Variants in KLHL1 observed in about 807,000 individuals in gnomAD.
The protein encoded by KLHL1 is kelch like family member 1.
KLHL1 carries 47 observed loss-of-function variants against 77.7 expected under a neutral mutation model. That is an observed-to-expected ratio of 0.60 (90% CI 0.48 to 0.77). KLHL1 has a LOEUF of 0.77. Ranked by LOEUF, KLHL1 falls within the 30% of genes least tolerant of loss-of-function variation. The pLI is 0.00. For synonymous variants in KLHL1, 360 were observed against 325.2 expected, an observed-to-expected ratio of 1.11 and a Z score of -1.15; for missense variants, 925 against 910.8, an observed-to-expected ratio of 1.02 and a Z score of -0.20.
intron 1 of KLHL1, among the ~76,000 whole-genome samples, chr13:70,005,967 C>T (rs914003119): frequency 3.3e-5 from 5 of 151,950 alleles, no homozygotes; most frequent in African/African-American, 1.2e-4. Flanking sequence ...CCATTTTCAT[C>T]TTGCCTTCCT....
intron 6 of KLHL1, among the ~76,000 whole-genome samples, chr13:69,821,204 G>C (rs1878322767): frequency 1.3e-5 from 2 of 152,072 alleles, no homozygotes; most frequent in African/African-American, 4.8e-5. Flanking sequence ...GTCATAGTTT[G>C]ACAAACCCTG....
intron 1 of KLHL1, among the ~76,000 whole-genome samples, chr13:70,019,853 T>C (rs1402490481): frequency 6.6e-6 from 1 of 152,216 alleles, no homozygotes; most frequent in African/African-American, 2.4e-5. Flanking sequence ...AGTGTTAAGA[T>C]ATGTATATGG....
chr13:69,765,628 G>C (rs186485206), intron 7 of KLHL1, among the ~76,000 whole-genome samples: 1 of 152,130 alleles, frequency 6.6e-6, no homozygotes, highest in Non-Finnish European at 1.5e-5. Flanking sequence ...TCCTAATAGA[G>C]CCACTAGTTT....
chr13:69,810,546 C>T (rs1396466207), intron 6 of KLHL1, among the ~76,000 whole-genome samples: 1 of 151,880 alleles, frequency 6.6e-6, no homozygotes, highest in African/African-American at 2.4e-5. Flanking sequence ...AGGTTAACAA[C>T]AAAGTTTATA....
intron 1 of KLHL1, among the ~76,000 whole-genome samples, chr13:69,979,245 T>C (rs962830673): frequency 4.6e-5 from 7 of 152,026 alleles, no homozygotes; most frequent in African/African-American, 1.7e-4. Context: ...TTTCTTCATA[T>C]TGTATCTGAG....
chr13:69,944,402 A>T (rs1018453632), intron 3 of KLHL1, among the ~76,000 whole-genome samples: 6 of 152,230 alleles, frequency 3.9e-5, no homozygotes, highest in Admixed American at 3.9e-4. Context: ...CCTTCGCCCC[A>T]TAGGTAGTTT....
chr13:69,898,184 G>A (rs1283283665), intron 4 of KLHL1, among the ~76,000 whole-genome samples: 1 of 152,182 alleles, frequency 6.6e-6, no homozygotes, highest in East Asian at 1.9e-4. Flanking sequence ...TGGCCCCCTA[G>A]GGCCTGCTCC....
At chr13:69,748,635 A>G (rs1874328861) in intron 7 of KLHL1, among the ~76,000 whole-genome samples, 1 of 152,000 alleles carries the variant, frequency 6.6e-6, no homozygotes, top group African/African-American at 2.4e-5. Context: ...CGATATTTAA[A>G]TGTTTTGTGT....
chr13:69,982,275 A>C (rs2137300689), intron 1 of KLHL1, among the ~76,000 whole-genome samples: 1 of 151,758 alleles, frequency 6.6e-6, no homozygotes, highest in African/African-American at 2.4e-5. Flanking sequence ...CTCTGCTAAA[A>C]ATACTAAAAA....
intron 8 of KLHL1, among the ~76,000 whole-genome samples, chr13:69,737,895 T>G (rs1156697090): frequency 1.3e-5 from 2 of 152,192 alleles, no homozygotes; most frequent in Non-Finnish European, 2.9e-5. Context: ...GCAGTCAGAC[T>G]GCTTATTTAA....
At chr13:70,026,569 T>C (rs957981668) in intron 1 of KLHL1, among the ~76,000 whole-genome samples, 1 of 152,082 alleles carries the variant, frequency 6.6e-6, no homozygotes, top group Non-Finnish European at 1.5e-5. Flanking sequence ...ACTTAACCCA[T>C]TTGGGTCCGT....
intron 1 of KLHL1, among the ~76,000 whole-genome samples, chr13:70,033,641 A>T (rs1886171857): frequency 1.1e-5 from 1 of 88,062 alleles, no homozygotes; most frequent in South Asian, 4.1e-4. Flanking sequence ...TTTTTTTGAG[A>T]CAGAGTCTTG....
intron 1 of KLHL1, among the ~76,000 whole-genome samples, chr13:70,075,566 T>TGC (rs1245207196): frequency 9.2e-6 from 1 of 108,630 alleles, no homozygotes; most frequent in Non-Finnish European, 1.8e-5. Flanking sequence ...TGTGTGTGTA[T>TGC]GTGTATATAT....
At chr13:69,702,997 A>C (rs1875466790) in intron 10 of KLHL1, among the ~76,000 whole-genome samples, 1 of 151,646 alleles carries the variant, frequency 6.6e-6, no homozygotes, top group Non-Finnish European at 1.5e-5. Flanking sequence ...TGCAAACCTA[A>C]GTTTACCTGA....
chr13:69,737,580 T>C (rs981365816), intron 8 of KLHL1, among the ~76,000 whole-genome samples: 2 of 152,332 alleles, frequency 1.3e-5, no homozygotes, highest in Middle Eastern at 3.4e-3. Context: ...CGGTCTGGAC[T>C]GGGAGCAAAC....
At chr13:69,957,295 G>T (rs1883921132) in intron 3 of KLHL1, among the ~76,000 whole-genome samples, 1 of 151,610 alleles carries the variant, frequency 6.6e-6, no homozygotes, top group Non-Finnish European at 1.5e-5. Context: ...AAAAGTAAAG[G>T]GCTTTTGCAT....
At chr13:70,100,393 T>G (rs1887897168) in intron 1 of KLHL1, among the ~76,000 whole-genome samples, 1 of 152,144 alleles carries the variant, frequency 6.6e-6, no homozygotes, top group South Asian at 2.1e-4. Flanking sequence ...TTGCTAAGCT[T>G]GCTACATTTT....
chr13:69,719,613 TATC>T (rs773727834), intron 8 of KLHL1, 32 bp from the exon 9 acceptor site: 5 of 1,542,084 alleles, frequency 3.2e-6, no homozygotes, highest in Non-Finnish European at 4.5e-6. Flanking sequence ...TGTGATTTAA[TATC>T]ATAGTCTGGA....
intron 8 of KLHL1, among the ~76,000 whole-genome samples, chr13:69,732,758 T>C (rs1593781944): frequency 6.6e-6 from 1 of 152,066 alleles, no homozygotes; most frequent in Admixed American, 6.6e-5. Flanking sequence ...TTTGCGGTTT[T>C]TCTAAGACAC....
Sources: allele counts gnomAD v4.1 joint callset (sites outside exome capture counted in the v4.1 genomes callset), GRCh38; gene constraint gnomAD v4.1.1; transcripts MANE v1.5; gene names NCBI Gene and HGNC (gene_info 2026-07-23, HGNC 2026-07-21).